The following ENKUR variants were observed in gnomAD, a reference collection of about 807,000 sequenced individuals.
ENKUR encodes the protein enkurin, TRPC channel interacting protein, also known as enkurin.
Under a neutral mutation model 27.6 loss-of-function variants are expected in ENKUR, and 19 were observed. The observed-to-expected ratio is 0.69, with a 90% confidence interval of 0.48 to 1.01. The LOEUF (loss-of-function observed/expected upper bound fraction) is 1.01, where lower values mean the gene tolerates loss of function less well. Among genes scored for constraint, ENKUR ranks in the 50% least tolerant of loss-of-function variants. ENKUR has a pLI of 0.00. For missense variants in ENKUR, 312 were observed against 310.5 expected (o/e 1.00, Z -0.04); for synonymous variants, 117 against 96.9 (o/e 1.21, Z -1.22).
Position 24,983,350 on chromosome 10 carries a change from G to A in ENKUR, c.*1020C>T, listed in dbSNP as rs1849711430. On this transcript the variant is annotated 3_prime_UTR_variant, in exon 6 of 6. Transcript: ENST00000331161. The stretch of plus-strand genomic sequence containing the variant: ...CAGATGCATCCTACCCACTCTGTAA[G>A]TCTGGGTCCCTGAGTGACTGCAGAA... 2 of 152,206 alleles carry A rather than the reference G, an allele frequency of 1.3e-5. No homozygotes were observed. The highest frequency in any genetic ancestry group is 4.1e-4 in the South Asian group (2 of 4,830). The allele number at this position is 152,206 out of a possible 1,614,324, so 9.4% of individuals were successfully genotyped here.
chr10:25,047,582 A>G (rs1300135860), intron 2 of ENKUR, among the ~76,000 whole-genome samples: 2 of 152,208 alleles, frequency 1.3e-5, no homozygotes, highest in Non-Finnish European at 2.9e-5. Flanking sequence ...AGTATCAACA[A>G]TTAGAAACAA....
At chr10:25,046,627 G>T (rs1388961736) in intron 2 of ENKUR, among the ~76,000 whole-genome samples, 4 of 152,162 alleles carry the variant, frequency 2.6e-5, no homozygotes, top group Non-Finnish European at 1.5e-5. Flanking sequence ...TACCTGCTTT[G>T]CTGGTTTGTG....
chr10:25,018,150 C>G (rs567542826), upstream of ENKUR, among the ~76,000 whole-genome samples: 6 of 152,290 alleles, frequency 3.9e-5, no homozygotes, highest in South Asian at 1.2e-3. Context: ...TGTGCAAGAC[C>G]TCACTGTGGT....
rs141130611 is a variant in ENKUR, at chr10:25,032,228, G to A, written c.37+28884C>T. ...AAACTGGGCTATTTCAGTGGGTACC[G>A]TCAATTCTATCTGTAGGACTTTTCT... On this transcript the variant is annotated intron_variant, in intron 2 of 5. Coordinates refer to the ENKUR transcript ENST00000615958. 2.0e-3 allele frequency among the ~76,000 whole-genome samples: 296 copies of A among 150,896 alleles called. 4 individuals carry two copies. The highest frequency in any genetic ancestry group is 6.7e-3 in the African/African-American group (272 of 40,682).
intron 2 of ENKUR, among the ~76,000 whole-genome samples, chr10:25,048,368 G>T (rs943047712): frequency 6.6e-6 from 1 of 152,062 alleles, no homozygotes; most frequent in African/African-American, 2.4e-5. Context: ...TCCGTGAAGC[G>T]TGGAGGCGAT....
chr10:25,006,748 A>T (rs1010078597), intron 1 of ENKUR, among the ~76,000 whole-genome samples: 1 of 152,214 alleles, frequency 6.6e-6, no homozygotes, highest in African/African-American at 2.4e-5. Context: ...CTGAAGCAAA[A>T]AGGACTCAGT....
intron 2 of ENKUR, among the ~76,000 whole-genome samples, chr10:24,998,419 G>C (rs1338347174): frequency 1.4e-5 from 2 of 140,290 alleles, no homozygotes; most frequent in East Asian, 2.3e-4. Context: ...TTGTTGTCCA[G>C]GCTAGAAGGC....
intron 2 of ENKUR, chr10:25,024,406 A>G (rs1286912293): frequency 1.2e-6 from 2 of 1,613,856 alleles, no homozygotes; most frequent in African/African-American, 2.7e-5. Flanking sequence ...TCGTCTAAAT[A>G]AGAATGATAA....
upstream of ENKUR, chr10:25,016,206 G>A (rs1174446595): frequency 6.0e-6 from 7 of 1,165,236 alleles, no homozygotes; most frequent in African/African-American, 6.3e-5. Context: ...GTGGCAGGCA[G>A]CACCGCAAAC....
intron 2 of ENKUR, among the ~76,000 whole-genome samples, chr10:25,058,855 C>G (rs1379032951): frequency 6.6e-6 from 1 of 151,408 alleles, no homozygotes; most frequent in Non-Finnish European, 1.5e-5. Context: ...CGCTTGAACA[C>G]AGGAGGTAGA....
chr10:25,017,851 C>T (rs1850638430), upstream of ENKUR, among the ~76,000 whole-genome samples: 2 of 151,974 alleles, frequency 1.3e-5, no homozygotes, highest in Non-Finnish European at 2.9e-5. Flanking sequence ...AAAAATTTGG[C>T]GGGAAACCTC....
intron 3 of ENKUR, among the ~76,000 whole-genome samples, chr10:24,992,188 A>G (rs1849943437): frequency 1.3e-5 from 2 of 152,248 alleles, no homozygotes; most frequent in Non-Finnish European, 2.9e-5. Context: ...ACTAGTGAAT[A>G]AAAAAGGCAA....
chr10:25,011,013 T>C (rs1264091810), intron 1 of ENKUR, among the ~76,000 whole-genome samples: 78 of 147,054 alleles, frequency 5.3e-4, no homozygotes, highest in African/African-American at 2.0e-3. Context: ...CCCTGAGGAA[T>C]CGCCACACTG....
At chr10:24,997,397 CT>C in intron 2 of ENKUR, among the ~76,000 whole-genome samples, 1 of 109,324 alleles carries the variant, frequency 9.1e-6, no homozygotes, top group East Asian at 2.7e-4. Context: ...TTTTTTTCCT[CT>C]TTTTTTGAGA....
chr10:25,016,226 C>T (rs79057317), upstream of ENKUR: 1,284 of 1,087,500 alleles, frequency 1.2e-3, 12 homozygotes, highest in African/African-American at 0.018. Context: ...CTAGGTCTCC[C>T]CTCTTCCCTC....
chr10:25,062,267 C>T (rs902906), exon 1 of ENKUR: 48,903 of 152,082 alleles, frequency 0.32, 8,126 homozygotes, highest in East Asian at 0.48. Flanking sequence ...CACCAGTGTT[C>T]CTCTCTTAAG....
intron 2 of ENKUR, among the ~76,000 whole-genome samples, chr10:25,060,868 C>G (rs1162188620): frequency 3.9e-5 from 6 of 151,986 alleles, no homozygotes; most frequent in African/African-American, 1.4e-4. Context: ...CCACTATGTT[C>G]AGCTAATTTA....
At chr10:25,024,281 T>A (rs1226837823) in intron 2 of ENKUR, 1 of 1,614,106 alleles carries the variant, frequency 6.2e-7, no homozygotes, top group East Asian at 2.2e-5. Flanking sequence ...TTTAAAGATT[T>A]GTCTTTACAG....
rs145159651 is a variant in ENKUR, at chr10:25,024,088, G to A, written c.38-28219C>T. ...GAAAAGCCTAGTAGGAGCAACCTACGTAGAAAGAGCACAGATACTGTTGGA... is the reference window on the plus strand; with the variant it reads ...GAAAAGCCTAGTAGGAGCAACCTACATAGAAAGAGCACAGATACTGTTGGA... On this transcript the variant is annotated intron_variant, in intron 2 of 5. Coordinates refer to the ENKUR transcript ENST00000615958. 1.5e-5 allele frequency: 24 copies of A among 1,614,060 alleles called. No individual in the cohort carries two copies. The highest frequency in any genetic ancestry group is 6.7e-5 in the African/African-American group (5 of 74,934).
Sources: gnomAD v4.1 joint callset for allele counts (sites outside exome capture counted in the v4.1 genomes callset) on GRCh38, gnomAD v4.1.1 for gene constraint, MANE v1.5 for transcripts, NCBI Gene and HGNC (gene_info 2026-07-23, HGNC 2026-07-21) for gene names.